APBB1IP: variants seen among roughly 807,000 people sequenced by gnomAD.
APBB1IP encodes the protein amyloid beta precursor protein binding family B member 1 interacting protein, also known as amyloid beta A4 precursor protein-binding family B member 1-interacting protein.
APBB1IP carries 27 observed loss-of-function variants against 64.9 expected under a neutral mutation model. The observed-to-expected ratio is 0.42, with a 90% CI of 0.31 to 0.57. The LOEUF (loss-of-function observed/expected upper bound fraction) is 0.57. Among genes scored for constraint, APBB1IP ranks in the 20% least tolerant of loss-of-function variants. The probability of loss-of-function intolerance (pLI) is 0.20; values close to 1 mark genes in which losing one functional copy is unlikely to be tolerated. For missense variants in APBB1IP, 812 were observed against 845.5 expected (o/e 0.96, Z 0.49); for synonymous variants, 392 against 331.0 (o/e 1.18, Z -2.00).
At chr10:26,565,735 T>C (rs1481402831) in intron 14 of APBB1IP, among the ~76,000 whole-genome samples, 3 of 152,170 alleles carry the variant, frequency 2.0e-5, no homozygotes, top group Non-Finnish European at 4.4e-5. Flanking sequence ...TGGTGACTAG[T>C]GTTCTAAAGT....
At chr10:26,519,164 A>G (rs1455399266) in intron 8 of APBB1IP, among the ~76,000 whole-genome samples, 2 of 151,938 alleles carry the variant, frequency 1.3e-5, no homozygotes, top group South Asian at 2.1e-4. Flanking sequence ...GGTGGGGGGC[A>G]TCTGTAATCT....
At chr10:26,547,252 G>T (rs935176653) in intron 11 of APBB1IP, among the ~76,000 whole-genome samples, 2 of 151,934 alleles carry the variant, frequency 1.3e-5, no homozygotes, top group South Asian at 2.1e-4. Context: ...GATTATTTGG[G>T]TTTTTTGCTA....
chr10:26,514,712 T>C (rs1011202086), intron 8 of APBB1IP, among the ~76,000 whole-genome samples: 1 of 151,954 alleles, frequency 6.6e-6, no homozygotes, highest in African/African-American at 2.4e-5. Flanking sequence ...AGAGGGAGAA[T>C]TAGGGCAGCT....
chr10:26,566,030 T>G (rs539280956), intron 14 of APBB1IP, among the ~76,000 whole-genome samples: 17 of 152,236 alleles, frequency 1.1e-4, no homozygotes, highest in Non-Finnish European at 2.4e-4. Context: ...TGCTCTAAAA[T>G]TATCCTATGT....
chr10:26,483,799 A>T (rs1835862373), intron 2 of APBB1IP, among the ~76,000 whole-genome samples: 1 of 152,028 alleles, frequency 6.6e-6, no homozygotes, highest in African/African-American at 2.4e-5. Flanking sequence ...TTCAGCCTTG[A>T]ACTCCTGGGC....
intron 8 of APBB1IP, among the ~76,000 whole-genome samples, chr10:26,528,934 C>T (rs1192244269): frequency 6.6e-6 from 1 of 152,094 alleles, no homozygotes; most frequent in Non-Finnish European, 1.5e-5. Flanking sequence ...GAGATATGTC[C>T]CTCCCCAAAG....
chr10:26,529,953 T>TTATG (rs1836527854), intron 8 of APBB1IP, among the ~76,000 whole-genome samples: 1 of 152,182 alleles, frequency 6.6e-6, no homozygotes, highest in Non-Finnish European at 1.5e-5. Context: ...GGAGTCTTCA[T>TTATG]TATGCTCTCT....
chr10:26,464,998 A>G (rs962846799), intron 2 of APBB1IP, among the ~76,000 whole-genome samples: 1 of 152,240 alleles, frequency 6.6e-6, no homozygotes, highest in African/African-American at 2.4e-5. Flanking sequence ...AGCAAAACCA[A>G]CAGAGAACTC....
chr10:26,478,498 C>T (rs1427969404), intron 2 of APBB1IP, among the ~76,000 whole-genome samples: 2 of 151,924 alleles, frequency 1.3e-5, no homozygotes, highest in Non-Finnish European at 1.5e-5. Flanking sequence ...TGCCTGTAAT[C>T]CAGCTACTCA....
chr10:26,562,220 T>C, intron 13 of APBB1IP, 106 bp from the exon 14 acceptor site: 1 of 828,254 alleles, frequency 1.2e-6, no homozygotes, highest in Non-Finnish European at 2.0e-6. Flanking sequence ...CCAACAAGTA[T>C]CTTTCTTTGC....
At chr10:26,458,581 A>G (rs997936731) in intron 2 of APBB1IP, among the ~76,000 whole-genome samples, 1 of 152,212 alleles carries the variant, frequency 6.6e-6, no homozygotes, top group Non-Finnish European at 1.5e-5. Flanking sequence ...GTTGTATCTT[A>G]ATACATTATT....
intron 11 of APBB1IP, among the ~76,000 whole-genome samples, chr10:26,553,406 C>T (rs1836857068): frequency 6.6e-6 from 1 of 152,128 alleles, no homozygotes; most frequent in Non-Finnish European, 1.5e-5. Context: ...AATTCCAGCA[C>T]TTTGGGAGGC....
intron 2 of APBB1IP, among the ~76,000 whole-genome samples, chr10:26,443,624 T>A (rs1214869061): frequency 6.6e-6 from 1 of 151,998 alleles, no homozygotes; most frequent in Non-Finnish European, 1.5e-5. Flanking sequence ...AGCCTCAACC[T>A]CCTGGGCTCA....
chr10:26,494,747 C>T (rs1449209308), intron 3 of APBB1IP, among the ~76,000 whole-genome samples: 1 of 152,012 alleles, frequency 6.6e-6, no homozygotes, highest in African/African-American at 2.4e-5. Context: ...ATCATTTGAA[C>T]CCAGGAGGCA....
chr10:26,518,272 A>G (rs1836358103), intron 8 of APBB1IP, among the ~76,000 whole-genome samples: 1 of 134,678 alleles, frequency 7.4e-6, no homozygotes. Context: ...TTTTTTTTTA[A>G]AGAGTCCTTC....
intron 2 of APBB1IP, among the ~76,000 whole-genome samples, chr10:26,488,724 A>T (rs1272906048): frequency 6.6e-6 from 1 of 152,232 alleles, no homozygotes; most frequent in Non-Finnish European, 1.5e-5. Context: ...CACACAAAAT[A>T]GGACAAGGAT....
chr10:26,511,120 C>T (rs1836253615), intron 6 of APBB1IP, among the ~76,000 whole-genome samples: 1 of 152,110 alleles, frequency 6.6e-6, no homozygotes, highest in Non-Finnish European at 1.5e-5. Flanking sequence ...GTGGGTGGAT[C>T]ACTTGAAGTC....
intron 10 of APBB1IP, among the ~76,000 whole-genome samples, chr10:26,538,727 T>C (rs190878764): frequency 2.6e-5 from 4 of 152,110 alleles, no homozygotes; most frequent in Non-Finnish European, 5.9e-5. Flanking sequence ...CAGTTTTCTA[T>C]AAATTTAATA....
Position 26,567,717 on chromosome 10 carries a change from C to A in APBB1IP, c.*229C>A. On this transcript the variant is annotated 3_prime_UTR_variant, in exon 15 of 15. Transcript: ENST00000376236. ...TTAACCTAAATGGAATGTATCTTCC[C>A]TTCCAAGCTGCCTAAAGCGCTGTTT... 9.4e-7 allele frequency: 1 copy of A among 1,067,858 alleles called. No homozygotes were observed. The highest frequency in any genetic ancestry group is 6.0e-5 in the East Asian group (1 of 16,664). The allele number at this position is 1,067,858 out of a possible 1,614,324, so 66.1% of individuals were successfully genotyped here.
Sources: gnomAD v4.1 joint callset for allele counts (sites outside exome capture counted in the v4.1 genomes callset) on GRCh38, gnomAD v4.1.1 for gene constraint, MANE v1.5 for transcripts, NCBI Gene and HGNC (gene_info 2026-07-23, HGNC 2026-07-21) for gene names.